CD86: variants seen among roughly 807,000 people sequenced by gnomAD.
CD86 encodes the protein T-lymphocyte activation antigen CD86.
Under a neutral mutation model 32.1 loss-of-function variants are expected in CD86, and 11 were observed. The observed-to-expected ratio is 0.34, with a 90% CI of 0.22 to 0.57. The LOEUF (loss-of-function observed/expected upper bound fraction) is 0.57. Among genes scored for constraint, CD86 ranks in the 20% least tolerant of loss-of-function variants. CD86 has a pLI of 0.86. For synonymous variants in CD86, 137 were observed against 135.3 expected, an observed-to-expected ratio of 1.01 and a Z score of -0.09; for missense variants, 359 against 398.4, an observed-to-expected ratio of 0.90 and a Z score of 0.84.
intron 1 of CD86, chr3:122,086,561 C>T (rs755314033): frequency 8.4e-6 from 4 of 475,436 alleles, no homozygotes; most frequent in African/African-American, 7.8e-5. Context: ...TTAGATGGTC[C>T]ACAGTAGTGT....
At chr3:122,071,885 C>G (rs1278614483) in intron 1 of CD86, among the ~76,000 whole-genome samples, 2 of 111,456 alleles carry the variant, frequency 1.8e-5, no homozygotes, top group Non-Finnish European at 3.6e-5. Context: ...CCCCCTCCCC[C>G]CACCCCACAA....
intron 1 of CD86, among the ~76,000 whole-genome samples, chr3:122,087,580 C>A (rs1273386863): frequency 1.3e-5 from 2 of 152,154 alleles, no homozygotes; most frequent in African/African-American, 4.8e-5. Flanking sequence ...GAAAGAAAAT[C>A]ATATCAATCT....
intron 2 of CD86, among the ~76,000 whole-genome samples, chr3:122,102,296 T>G (rs2332096): frequency 0.51 from 77,068 of 151,688 alleles, 20,201 homozygotes; most frequent in Admixed American, 0.64. Context: ...TGATGAAATT[T>G]TATTTAGAAC....
intron 5 of CD86, among the ~76,000 whole-genome samples, chr3:122,117,620 T>G (rs2073274810): frequency 6.6e-6 from 1 of 152,262 alleles, no homozygotes; most frequent in Non-Finnish European, 1.5e-5. Context: ...TTGTGTAATA[T>G]TCTTAGCACC....
intron 5 of CD86, among the ~76,000 whole-genome samples, chr3:122,112,255 G>A (rs1427743312): frequency 1.3e-5 from 2 of 151,958 alleles, no homozygotes; most frequent in East Asian, 3.8e-4. Flanking sequence ...AGCTGTTTCA[G>A]GAATGATTTC....
At chr3:122,117,287 T>C (rs2073269256) in intron 5 of CD86, among the ~76,000 whole-genome samples, 2 of 152,218 alleles carry the variant, frequency 1.3e-5, no homozygotes, top group Admixed American at 1.3e-4. Flanking sequence ...TAAAAGCTGA[T>C]TGTTTTTAAA....
Position 122,119,473 on chromosome 3 carries a change from C to G in CD86, c.929C>G (p.Ala310Gly). ...KIHIPERSDE[A>G]QRVFKSSKTS... Reference sequence around the variant, plus strand: ...CATATACCTGAAAGATCTGATGAAGCCCAGCGTGTTTTTAAAAGTTCGAAG... The same window carrying G: ...CATATACCTGAAAGATCTGATGAAGGCCAGCGTGTTTTTAAAAGTTCGAAG... Residue 310 changes from alanine to glycine, a missense_variant, in exon 7 of 7, where the codon GCC becomes GGC. Transcript: ENST00000330540. 6.2e-7 allele frequency: 1 copy of G among 1,611,110 alleles called. No individual in the cohort carries two copies. The highest frequency in any genetic ancestry group is 1.1e-5 in the South Asian group (1 of 90,928).
chr3:122,116,553 G>A (rs546632533), intron 5 of CD86, among the ~76,000 whole-genome samples: 13 of 152,148 alleles, frequency 8.5e-5, no homozygotes, highest in African/African-American at 2.9e-4. Context: ...AGAAATCCTA[G>A]ACATTTACCA....
chr3:122,055,979 C>T (rs1322463730), intron 1 of CD86, among the ~76,000 whole-genome samples: 3 of 152,066 alleles, frequency 2.0e-5, no homozygotes, highest in Middle Eastern at 3.4e-3. Flanking sequence ...ATAATCAGGC[C>T]ATGGGAGATT....
chr3:122,079,133 A>T (rs2072595032), intron 1 of CD86, among the ~76,000 whole-genome samples: 1 of 152,228 alleles, frequency 6.6e-6, no homozygotes, highest in African/African-American at 2.4e-5. Context: ...ACATTAATTT[A>T]ATCACACTAA....
At chr3:122,102,484 G>A (rs553307395) in intron 2 of CD86, among the ~76,000 whole-genome samples, 14 of 115,400 alleles carry the variant, frequency 1.2e-4, no homozygotes, top group Non-Finnish European at 1.9e-4. Flanking sequence ...CACAAACCCC[G>A]TGATCATTCA....
intron 1 of CD86, among the ~76,000 whole-genome samples, chr3:122,064,819 G>T (rs182829221): frequency 5.3e-4 from 80 of 152,242 alleles, no homozygotes; most frequent in Non-Finnish European, 8.8e-4. Context: ...CTATTATATT[G>T]GGGCCCAGGC....
chr3:122,114,211 A>G (rs1241926685), intron 5 of CD86, among the ~76,000 whole-genome samples: 1 of 152,118 alleles, frequency 6.6e-6, no homozygotes, highest in Admixed American at 6.6e-5. Context: ...AGATCACACC[A>G]CTGCACTCCA....
intron 1 of CD86, among the ~76,000 whole-genome samples, chr3:122,062,853 T>C (rs2072358578): frequency 6.6e-6 from 1 of 152,226 alleles, no homozygotes; most frequent in Non-Finnish European, 1.5e-5. Flanking sequence ...CATTCTTTGC[T>C]TTAAAATCTA....
chr3:122,106,063 G>C (rs1432219495), intron 3 of CD86, 135 bp from the exon 4 acceptor site: 6 of 616,956 alleles, frequency 9.7e-6, no homozygotes, highest in Non-Finnish European at 1.7e-5. Context: ...TTGGGCTGAG[G>C]GTCACATTTT....
At chr3:122,106,577 C>A in intron 4 of CD86, 77 bp downstream of exon 4, 1 of 1,320,954 alleles carries the variant, frequency 7.6e-7, no homozygotes, top group Non-Finnish European at 1.0e-6. Flanking sequence ...CCAATGTCCC[C>A]GACTTGCTAG....
intron 3 of CD86, among the ~76,000 whole-genome samples, chr3:122,105,877 C>T (rs1175133270): frequency 6.6e-6 from 1 of 152,136 alleles, no homozygotes; most frequent in Non-Finnish European, 1.5e-5. Flanking sequence ...GACCACTTCT[C>T]CTTCCAAAGA....
chr3:122,092,848 T>C (rs1014439735), intron 2 of CD86, among the ~76,000 whole-genome samples: 3 of 152,226 alleles, frequency 2.0e-5, no homozygotes, highest in African/African-American at 7.2e-5. Flanking sequence ...CTGTGGATGA[T>C]GAGGAGTCAG....
chr3:122,083,540 T>C (rs529279961), intron 1 of CD86, among the ~76,000 whole-genome samples: 123 of 152,324 alleles, frequency 8.1e-4, no homozygotes, highest in African/African-American at 2.9e-3. Flanking sequence ...ACAAACTGTC[T>C]CCAAACTTAG....
Sources: gnomAD v4.1 joint callset for allele counts (sites outside exome capture counted in the v4.1 genomes callset) on GRCh38, gnomAD v4.1.1 for gene constraint, MANE v1.5 for transcripts, NCBI Gene and HGNC (gene_info 2026-07-23, HGNC 2026-07-21) for gene names.